FRMD1: variants seen among roughly 807,000 people sequenced by gnomAD.
The protein encoded by FRMD1 is FERM domain containing 1.
Under a neutral mutation model 54.9 loss-of-function variants are expected in FRMD1, and 51 were observed. The ratio of observed to expected loss-of-function variants is 0.93; its 90% confidence interval spans 0.74 to 1.17. The LOEUF is 1.17. FRMD1 is among the 50% of genes most tolerant of loss of function. The probability of loss-of-function intolerance (pLI) is 0.00; values close to 1 mark genes in which losing one functional copy is unlikely to be tolerated. For synonymous variants in FRMD1, 324 were observed against 306.4 expected, an observed-to-expected ratio of 1.06 and a Z score of -0.60; for missense variants, 729 against 743.0, an observed-to-expected ratio of 0.98 and a Z score of 0.22.
At chr6:168,063,520 A>T in intron 6 of FRMD1, 81 bp downstream of exon 6, 1 of 1,424,952 alleles carries the variant, frequency 7.0e-7, no homozygotes, top group Non-Finnish European at 9.2e-7. Flanking sequence ...TGGGGTCCTG[A>T]TCCCACTCAG....
At chr6:168,071,030 G>T (rs1252794364) in intron 2 of FRMD1, among the ~76,000 whole-genome samples, 1 of 152,166 alleles carries the variant, frequency 6.6e-6, no homozygotes, top group Non-Finnish European at 1.5e-5. Flanking sequence ...TGAACAAAAG[G>T]CCTGAACTTC....
chr6:168,086,172 C>A (rs1800914713), upstream of FRMD1, among the ~76,000 whole-genome samples: 1 of 152,188 alleles, frequency 6.6e-6, no homozygotes, highest in South Asian at 2.1e-4. Context: ...ACCAATGTCC[C>A]AGCATGGATG....
At chr6:168,070,759 T>C (rs1283791745) in intron 2 of FRMD1, among the ~76,000 whole-genome samples, 1 of 152,210 alleles carries the variant, frequency 6.6e-6, no homozygotes, top group Non-Finnish European at 1.5e-5. Flanking sequence ...CGCATACATC[T>C]GTCAGGAGTG....
Position 168,061,994 on chromosome 6 carries a change from G to C in FRMD1, c.871-13C>G. On this transcript the variant is annotated splice_polypyrimidine_tract_variant and intron_variant, in intron 7 of 10. Transcript: ENST00000283309. ...CCAGCTTCTTTCCCTGAGCAAACAG[G>C]AGAGAAGTTGCCACTCCACAGGTGG... 6.3e-7 allele frequency: 1 copy of C among 1,581,586 alleles called. No individual in the cohort carries two copies. The highest frequency in any genetic ancestry group is 1.1e-5 in the South Asian group (1 of 87,160).
At chr6:168,086,086 C>T (rs1800913212), upstream of FRMD1, among the ~76,000 whole-genome samples, 1 of 152,268 alleles carries the variant, frequency 6.6e-6, no homozygotes, top group Non-Finnish European at 1.5e-5. Context: ...GCCTTCCGGC[C>T]CTGGAGCCAC....
At chr6:168,082,003 C>T (rs948032357), upstream of FRMD1, 5 of 154,168 alleles carry the variant, frequency 3.2e-5, no homozygotes, top group East Asian at 3.8e-4. Context: ...TGCACCTGTG[C>T]GCCATAGGTC....
rs1314784694 is a variant in FRMD1 at position 168,056,855 on chromosome 6, G to A, written c.*242C>T. 1 of 385,324 alleles carries A rather than the reference G, an allele frequency of 2.6e-6. No individual in the cohort carries two copies. The highest frequency in any genetic ancestry group is 2.1e-5 in the African/African-American group (1 of 48,030). The allele number at this position is 385,324 out of a possible 1,614,324, so 23.9% of individuals were successfully genotyped here. ...GCCAGACCTTGAACTGGCTCCCTGAGACCCTGAGGGAAAGAGCTCCCGGGT... is the reference window on the plus strand; with the variant it reads ...GCCAGACCTTGAACTGGCTCCCTGAAACCCTGAGGGAAAGAGCTCCCGGGT... On this transcript the variant is annotated 3_prime_UTR_variant, in exon 11 of 11. Coordinates refer to ENST00000283309, the MANE Select transcript of FRMD1 (RefSeq NM_024919.6).
Position 168,061,711 on chromosome 6 carries a change from GA to G in FRMD1, c.1045+95del, listed in dbSNP as rs958746119. ...GAGTCAGGAGGCCACAACAATAAGA[GA>G]CAGAAGGCATAGTCCGGCCAGAGCC... On this transcript the variant is annotated intron_variant, in intron 8 of 10. Coordinates refer to ENST00000283309, the MANE Select transcript of FRMD1 (RefSeq NM_024919.6). 2.3e-6 allele frequency: 3 copies of G among 1,299,692 alleles called. No individual in the cohort carries two copies. The African/African-American group carries it at 4.4e-5, about 19-fold the overall frequency. The allele number at this position is 1,299,692 out of a possible 1,614,324, so 80.5% of individuals were successfully genotyped here.
At position 168,062,701 on chromosome 6, in the gene FRMD1, G is replaced by T; in HGVS notation, c.870+193C>A. On this transcript the variant is annotated intron_variant, in intron 7 of 10. Coordinates refer to ENST00000283309, the MANE Select transcript of FRMD1 (RefSeq NM_024919.6). The stretch of plus-strand genomic sequence containing the variant: ...ATGCCAGCTTCCCAACGTGGGGCCA[G>T]GGGAGGTCGTACAGCAGCTGCGGAG... 1.3e-6 allele frequency: 2 copies of T among 1,551,442 alleles called. 1 individual carries two copies. The highest frequency in any genetic ancestry group is 1.7e-6 in the Non-Finnish European group (2 of 1,147,374).
chr6:168,087,139 C>T (rs1354054182), intron 1 of FRMD1, among the ~76,000 whole-genome samples: 2 of 152,094 alleles, frequency 1.3e-5, no homozygotes, highest in East Asian at 3.9e-4. Flanking sequence ...GTGGGCTTGG[C>T]TCACTGTAAC....
rs1185502522 is a variant in FRMD1 at position 168,070,228 on chromosome 6, GA to G, written c.305-2783del. ...GGAAGGAAAGAAAGAAGGAAGGAAGGAAAGAAAGAAGGAAGGAAGGAAAGAA... is the reference window on the plus strand; with the variant it reads ...GGAAGGAAAGAAAGAAGGAAGGAAGGAAGAAAGAAGGAAGGAAGGAAAGAA... On this transcript the variant is annotated intron_variant, in intron 2 of 10. Transcript: ENST00000283309. Among the ~76,000 whole-genome samples the G allele has an allele frequency of 1.7e-3, 230 of 137,488 alleles. 2 individuals are homozygous for G. Among genetic ancestry groups the G allele is most frequent in the African/African-American group, 6.0e-3 (214 of 35,916 alleles). 90.2% of individuals were successfully genotyped at this position (137,488 alleles called of 152,430 possible). A position where few individuals can be genotyped will look rare whatever the true frequency, so the allele number is the denominator to read the frequency against.
Position 168,056,979 on chromosome 6 carries a change from G to A in FRMD1, c.*118C>T, listed in dbSNP as rs1055323172. The stretch of plus-strand genomic sequence containing the variant: ...TCTTACAGGTGAACCTGTGGAGCGT[G>A]CTGGCTGCGGAAGTGCAGGCAGCAT... On this transcript the variant is annotated 3_prime_UTR_variant, in exon 11 of 11. Transcript: ENST00000283309. 2.4e-5 allele frequency: 30 copies of A among 1,232,324 alleles called. No homozygotes were observed. Among genetic ancestry groups the A allele is most frequent in the African/African-American group, 1.7e-4 (11 of 64,534 alleles). 76.3% of individuals were successfully genotyped at this position (1,232,324 alleles called of 1,614,324 possible).
In FRMD1 at chr6:168,076,154, A is replaced by T. The variant is rs556168521; in HGVS notation, c.214-819T>A. Among the ~76,000 whole-genome samples the T allele has an allele frequency of 2.6e-5, 4 of 152,274 alleles. No individual in the cohort carries two copies. The South Asian group carries it at 8.3e-4, about 32-fold the overall frequency. The stretch of plus-strand genomic sequence containing the variant: ...AGAATCGCAGGGCGCCAAGCCTGTG[A>T]CGGAGGGTGCAGGACGGTTGCCGTG... On this transcript the variant is annotated intron_variant, in intron 1 of 10. Transcript: ENST00000283309.
rs1416120959 is a variant in FRMD1, at chr6:168,065,113, C to T, written c.462-56G>A. 8 of 1,542,380 alleles carry T rather than the reference C, an allele frequency of 5.2e-6. No homozygotes were observed. In the East Asian group the frequency reaches 9.2e-5, roughly 18 times the overall value. On this transcript the variant is annotated intron_variant, in intron 4 of 10. Transcript: ENST00000283309. Reference sequence around the variant, plus strand: ...CGACCGGTGTGGGGACTGCTGGCCCCTCTGGCCCTGCCTTGTCCCTCCCCA... The same window carrying T: ...CGACCGGTGTGGGGACTGCTGGCCCTTCTGGCCCTGCCTTGTCCCTCCCCA...
chr6:168,069,228 G>A (rs1800182657), intron 2 of FRMD1, among the ~76,000 whole-genome samples: 1 of 152,224 alleles, frequency 6.6e-6, no homozygotes, highest in East Asian at 1.9e-4. Context: ...GACCCTCAGA[G>A]CCAGGGGTTA....
At chr6:168,081,824 G>C, upstream of FRMD1, 1 of 356,172 alleles carries the variant, frequency 2.8e-6, no homozygotes, top group Non-Finnish European at 5.1e-6. Context: ...CTCTGGGGGT[G>C]GTCGGATGGC....
chr6:168,062,852 G>A (rs377760170), intron 7 of FRMD1, 42 bp downstream of exon 7: 1 of 1,602,162 alleles, frequency 6.2e-7, no homozygotes, highest in South Asian at 1.1e-5. Context: ...GGGGGTGGGG[G>A]CAGGACGAGG....
chr6:168,066,135 C>A lies in FRMD1; in HGVS notation c.461+620G>T, dbSNP rs1266670044. The A allele has an allele frequency of 7.1e-6, 7 of 987,842 alleles. No individual in the cohort carries two copies. In the South Asian group the frequency reaches 1.4e-4, roughly 20 times the overall value. The allele number at this position is 987,842 out of a possible 1,614,324, so 61.2% of individuals were successfully genotyped here. A position where few individuals can be genotyped will look rare whatever the true frequency, so the allele number is the denominator to read the frequency against. On this transcript the variant is annotated intron_variant, in intron 4 of 10. Transcript: ENST00000283309. ...AGCATAGCAGCCCTTAGCCCAGCGA[C>A]CTCCAGAAGCCTCGCCCACCCCCGG...
chr6:168,070,382 A>AGGG (rs1185599032), intron 2 of FRMD1, among the ~76,000 whole-genome samples: 2 of 57,182 alleles, frequency 3.5e-5, no homozygotes, highest in Non-Finnish European at 6.5e-5. Flanking sequence ...AGAGGGAGGG[A>AGGG]AGGAGGGAGG....
Sources: allele counts gnomAD v4.1 joint callset (sites outside exome capture counted in the v4.1 genomes callset), GRCh38; gene constraint gnomAD v4.1.1; transcripts MANE v1.5; gene names NCBI Gene and HGNC (gene_info 2026-07-23, HGNC 2026-07-21).